APLP2: variants seen among roughly 807,000 people sequenced by gnomAD.
APLP2 encodes amyloid beta precursor like protein 2, also known as CDEI box-binding protein.
In APLP2, 53 loss-of-function variants were observed where a neutral mutation model predicts 89.9. The observed-to-expected ratio is 0.59, with a 90% CI of 0.47 to 0.74. The LOEUF is 0.74. APLP2 is among the 30% of genes least tolerant of loss of function. The pLI is 0.00. For synonymous variants in APLP2, 372 were observed against 348.6 expected, an observed-to-expected ratio of 1.07 and a Z score of -0.75; for missense variants, 973 against 975.9, an observed-to-expected ratio of 1.00 and a Z score of 0.04.
intron 9 of APLP2, among the ~76,000 whole-genome samples, chr11:130,128,190 A>G (rs187388744): frequency 3.8e-4 from 58 of 152,334 alleles, no homozygotes; most frequent in African/African-American, 1.4e-3. Context: ...TTGAAAGTCA[A>G]AGGATAGAAA....
chr11:130,133,685 C>T lies in APLP2; in HGVS notation c.1641C>T (p.Leu547=), dbSNP rs767309643. ...GGAGGAACCAAAGCCTCTCTCTGCT[C>T]TACAAAGTACCTTATGTAGCCCAAG... ...EERRNQSLSL[L]YKVPYVAQEI... is the part of the protein sequence containing the mutation. Residue 547 remains leucine, a synonymous_variant, in exon 12 of 17, where the codon CTC becomes CTT. Transcript: ENST00000338167. 6 of 1,614,178 alleles carry T rather than the reference C, an allele frequency of 3.7e-6. No individual in the cohort carries two copies. In the South Asian group the frequency reaches 6.6e-5, roughly 18 times the overall value.
intron 1 of APLP2, among the ~76,000 whole-genome samples, chr11:130,086,802 C>T (rs1244111604): frequency 3.9e-5 from 6 of 152,160 alleles, no homozygotes; most frequent in Non-Finnish European, 8.8e-5. Context: ...GATCAATTGA[C>T]CAAACATGTG....
intron 3 of APLP2, among the ~76,000 whole-genome samples, chr11:130,114,490 A>G (rs1439407610): frequency 1.3e-5 from 2 of 152,236 alleles, no homozygotes; most frequent in African/African-American, 4.8e-5. Context: ...GATGGTATCT[A>G]CATTCATTTG....
chr11:130,100,644 A>G (rs1047636293), intron 1 of APLP2, among the ~76,000 whole-genome samples: 1 of 152,200 alleles, frequency 6.6e-6, no homozygotes, highest in Non-Finnish European at 1.5e-5. Context: ...ACCATTTTCA[A>G]TCTTGGAAAT....
rs531144318 is a variant in APLP2 at position 130,110,629 on chromosome 11, A to G, written c.371A>G (p.Lys124Arg). 7.4e-6 allele frequency: 12 copies of G among 1,613,898 alleles called. No homozygotes were observed. The Middle Eastern group carries it at 8.3e-4, about 111-fold the overall frequency. The change falls in exon 3 of 17, where the codon AAG (lysine) becomes AGG (arginine). Residue 124 changes from lysine to arginine, a missense_variant. Coordinates refer to ENST00000338167, the MANE Select transcript of APLP2 (RefSeq NM_001142276.2). ...TGCCGGAGGGACAAAAAGCAATGCAAGAGTCGCTTTGTTACACCTTTCAAG... is the reference window on the plus strand; with the variant it reads ...TGCCGGAGGGACAAAAAGCAATGCAGGAGTCGCTTTGTTACACCTTTCAAG... ...NWCRRDKKQC[K>R]SRFVTPFKCL... is the part of the protein sequence containing the mutation.
chr11:130,091,018 C>T (rs1207959371), intron 1 of APLP2, among the ~76,000 whole-genome samples: 71 of 135,322 alleles, frequency 5.2e-4, no homozygotes, highest in Admixed American at 6.6e-4. Flanking sequence ...CCCTCCCGGA[C>T]GGGGCGGCTG....
intron 1 of APLP2, chr11:130,100,515 T>C (rs956501236): frequency 6.6e-6 from 1 of 152,202 alleles, no homozygotes; most frequent in Non-Finnish European, 1.5e-5. Context: ...TTAGCTCTCA[T>C]GTCAGAGACA....
In APLP2 at chr11:130,143,772, A is replaced by C. The variant is rs1037552476; in HGVS notation, c.*324A>C. On this transcript the variant is annotated 3_prime_UTR_variant, in exon 17 of 17. Coordinates refer to ENST00000338167, the MANE Select transcript of APLP2 (RefSeq NM_001142276.2). ...ATTGTCTGACACATGCTCTCAATAT[A>C]TAATAAATGGGAAATGTCGATTTTC... 1 of 229,820 alleles carries C rather than the reference A, an allele frequency of 4.4e-6. No individual in the cohort carries two copies. The highest frequency in any genetic ancestry group is 8.7e-6 in the Non-Finnish European group (1 of 114,884). The allele number at this position is 229,820 out of a possible 1,614,324, so 14.2% of individuals were successfully genotyped here. A position where few individuals can be genotyped will look rare whatever the true frequency, so the allele number is the denominator to read the frequency against.
Position 130,144,592 on chromosome 11 carries a change from C to T in APLP2, c.*1144C>T, listed in dbSNP as rs14436. ...TGCTCACTGCTTCTGCTTTTTCTTT[C>T]TTTTTATTTTAAATCTGAAGGTTCT... On this transcript the variant is annotated 3_prime_UTR_variant, in exon 17 of 17. Transcript: ENST00000338167. The T allele has an allele frequency of 1.3e-5, 2 of 152,644 alleles. No homozygotes were observed. The highest frequency in any genetic ancestry group is 3.9e-4 in the East Asian group (2 of 5,178). The allele number at this position is 152,644 out of a possible 1,614,324, so 9.5% of individuals were successfully genotyped here. A position where few individuals can be genotyped will look rare whatever the true frequency, so the allele number is the denominator to read the frequency against.
At chr11:130,132,184 T>TCC (rs1464604297) in intron 11 of APLP2, among the ~76,000 whole-genome samples, 10 of 152,298 alleles carry the variant, frequency 6.6e-5, no homozygotes, top group African/African-American at 2.4e-4. Flanking sequence ...AGGACAACAC[T>TCC]TGCTGAACCC....
chr11:130,070,583 A>G, intron 1 of APLP2: 3 of 1,313,318 alleles, frequency 2.3e-6, no homozygotes, highest in Non-Finnish European at 2.9e-6. Context: ...TGCCAGGTGG[A>G]CGCGGCCCCG....
rs370949901 is a variant in APLP2 at position 130,126,844 on chromosome 11, A to G, written c.1221+14A>G. ...CGAATGGACAGGGTAAACCTTGACA[A>G]TTTCTTCATCTTCATGGTACTTGGC... On this transcript the variant is annotated intron_variant, in intron 8 of 16. Coordinates refer to ENST00000338167, the MANE Select transcript of APLP2 (RefSeq NM_001142276.2). The G allele has an allele frequency of 4.0e-5, 64 of 1,613,720 alleles. No homozygotes were observed. Among genetic ancestry groups the G allele is most frequent in the African/African-American group, 6.7e-5 (5 of 74,900 alleles).
chr11:130,120,915 G>A (rs960940064), intron 4 of APLP2, 97 bp downstream of exon 4: 5 of 838,070 alleles, frequency 6.0e-6, no homozygotes, highest in African/African-American at 1.7e-5. Context: ...AGTTAGTTAT[G>A]TTTCCCCCAT....
At chr11:130,103,259 T>TC in intron 1 of APLP2, among the ~76,000 whole-genome samples, 1 of 152,338 alleles carries the variant, frequency 6.6e-6, no homozygotes, top group Middle Eastern at 3.4e-3. Context: ...ATTAGTTGAC[T>TC]CCTAAAACAT....
In APLP2 at chr11:130,117,545, C is replaced by T. The variant is rs1416275853; in HGVS notation, c.404-3161C>T. Among the ~76,000 whole-genome samples the T allele has an allele frequency of 2.8e-4, 43 of 152,182 alleles. 1 individual carries two copies. The highest frequency in any genetic ancestry group is 4.4e-5 in the Non-Finnish European group (3 of 68,022). ...TCAGCCTCCTGAGTAGCTGGAATTA[C>T]AGGTGCATGCCACCATGCCTGGCTA... On this transcript the variant is annotated intron_variant, in intron 3 of 16. Transcript: ENST00000338167.
chr11:130,137,742 C>T (rs1043278052), intron 13 of APLP2, among the ~76,000 whole-genome samples: 4 of 152,252 alleles, frequency 2.6e-5, no homozygotes, highest in African/African-American at 4.8e-5. Context: ...TGGCTCTCCT[C>T]GCCCTTTGTC....
chr11:130,107,462 C>T (rs912818023), intron 1 of APLP2, among the ~76,000 whole-genome samples: 3 of 152,146 alleles, frequency 2.0e-5, no homozygotes, highest in Admixed American at 1.3e-4. Flanking sequence ...CTCCCATTCA[C>T]AATTGCTTCA....
intron 3 of APLP2, among the ~76,000 whole-genome samples, chr11:130,119,622 C>G (rs1591821607): frequency 6.6e-6 from 1 of 152,188 alleles, no homozygotes; most frequent in Admixed American, 6.5e-5. Flanking sequence ...TTTCTCCCGA[C>G]TTTTTGGGAC....
chr11:130,075,672 G>T (rs1052039038), intron 1 of APLP2, among the ~76,000 whole-genome samples: 4 of 152,144 alleles, frequency 2.6e-5, no homozygotes, highest in Non-Finnish European at 5.9e-5. Context: ...TAACAGTCTC[G>T]TGAATTTGGT....
Sources: gnomAD v4.1 joint callset for allele counts (sites outside exome capture counted in the v4.1 genomes callset) on GRCh38, gnomAD v4.1.1 for gene constraint, MANE v1.5 for transcripts, NCBI Gene and HGNC (gene_info 2026-07-23, HGNC 2026-07-21) for gene names.